Variants in POLR3B observed in about 807,000 individuals in gnomAD.
POLR3B encodes the protein DNA-directed RNA polymerase III subunit RPC2.
A neutral mutation model predicts 147.4 loss-of-function variants in POLR3B; 96 were observed. The observed-to-expected ratio is 0.65, with a 90% CI of 0.55 to 0.77. The LOEUF (loss-of-function observed/expected upper bound fraction) is 0.77, where lower values mean the gene tolerates loss of function less well. POLR3B is among the 30% of genes least tolerant of loss of function. The probability of loss-of-function intolerance (pLI) is 0.00; values close to 1 mark genes in which losing one functional copy is unlikely to be tolerated. For synonymous variants in POLR3B, 461 were observed against 485.9 expected (o/e 0.95, Z 0.67); for missense variants, 1,036 against 1,413.5 (o/e 0.73, Z 4.28).
intron 10 of POLR3B, among the ~76,000 whole-genome samples, chr12:106,400,079 C>G (rs1430095023): frequency 6.6e-6 from 1 of 152,166 alleles, no homozygotes; most frequent in Non-Finnish European, 1.5e-5. Context: ...GTGCTGTATT[C>G]AGGAAACCCA....
intron 23 of POLR3B, among the ~76,000 whole-genome samples, chr12:106,489,655 G>A (rs1459450745): frequency 6.6e-6 from 1 of 152,154 alleles, no homozygotes; most frequent in Admixed American, 6.5e-5. Context: ...AAGTTTATCT[G>A]TTAAACAAGG....
chr12:106,404,728 A>C (rs1460056521), intron 10 of POLR3B, among the ~76,000 whole-genome samples: 1 of 151,890 alleles, frequency 6.6e-6, no homozygotes, highest in Non-Finnish European at 1.5e-5. Flanking sequence ...AATTCTTTTA[A>C]TTTTGAAAAA....
chr12:106,488,193 T>A (rs960964048), intron 23 of POLR3B, among the ~76,000 whole-genome samples: 10 of 152,210 alleles, frequency 6.6e-5, no homozygotes, highest in Non-Finnish European at 1.2e-4. Flanking sequence ...ACTGAGACAT[T>A]CAAAGAATCT....
At chr12:106,497,401 G>T (rs1164470322) in intron 25 of POLR3B, among the ~76,000 whole-genome samples, 1 of 152,056 alleles carries the variant, frequency 6.6e-6, no homozygotes, top group Non-Finnish European at 1.5e-5. Flanking sequence ...TTTTTGGTAG[G>T]CCAAAGCTGG....
At chr12:106,433,512 A>G (rs1039457656) in intron 15 of POLR3B, among the ~76,000 whole-genome samples, 3 of 152,190 alleles carry the variant, frequency 2.0e-5, no homozygotes, top group African/African-American at 4.8e-5. Context: ...CTTTTCCAGT[A>G]TTCCTCAGCC....
At chr12:106,429,904 T>A (rs2037485421) in intron 13 of POLR3B, among the ~76,000 whole-genome samples, 1 of 152,182 alleles carries the variant, frequency 6.6e-6, no homozygotes, top group Non-Finnish European at 1.5e-5. Flanking sequence ...TTCCTTTAAA[T>A]GTGTATAGAA....
At chr12:106,446,340 G>A in intron 19 of POLR3B, 1 of 421,388 alleles carries the variant, frequency 2.4e-6, no homozygotes, top group South Asian at 1.7e-5. Context: ...TCTCTATGTA[G>A]TGAAGCTTTT....
intron 19 of POLR3B, among the ~76,000 whole-genome samples, chr12:106,450,123 C>G (rs1421535082): frequency 1.3e-5 from 2 of 152,004 alleles, no homozygotes; most frequent in African/African-American, 4.8e-5. Context: ...ATGAATGTGT[C>G]AAAGCAATCC....
At chr12:106,500,204 G>T (rs537100279) in intron 25 of POLR3B, 1 of 453,520 alleles carries the variant, frequency 2.2e-6, no homozygotes, top group South Asian at 1.6e-5. Context: ...AAAGTTTGAG[G>T]CAGTTAAAAA....
At position 106,507,234 on chromosome 12, in the gene POLR3B, C is replaced by T. The variant is rs114471076; in HGVS notation, c.3273-2186C>T. On this transcript the variant is annotated intron_variant, in intron 27 of 27. Coordinates refer to ENST00000228347, the MANE Select transcript of POLR3B (RefSeq NM_018082.6). ...TTTGCTACCTTTGCCCTAAAAAAGC[C>T]GTTCATTTTATTGTTGTTCACGTCA... Among the ~76,000 whole-genome samples, 161 of 152,194 alleles carry T rather than the reference C, an allele frequency of 1.1e-3. 2 individuals are homozygous for T. Among genetic ancestry groups the T allele is most frequent in the African/African-American group, 3.5e-3 (145 of 41,532 alleles).
intron 23 of POLR3B, among the ~76,000 whole-genome samples, chr12:106,466,832 C>A (rs1220765095): frequency 6.6e-6 from 1 of 152,136 alleles, no homozygotes; most frequent in East Asian, 1.9e-4. Context: ...GGTACCAGTA[C>A]CATGCTGTTT....
At chr12:106,479,063 A>T (rs2038224348) in intron 23 of POLR3B, among the ~76,000 whole-genome samples, 1 of 152,030 alleles carries the variant, frequency 6.6e-6, no homozygotes, top group Non-Finnish European at 1.5e-5. Flanking sequence ...CTGAAATTTC[A>T]TAGGCTCTTC....
chr12:106,462,132 C>A (rs1004377677), intron 22 of POLR3B, among the ~76,000 whole-genome samples: 10 of 152,226 alleles, frequency 6.6e-5, no homozygotes, highest in Non-Finnish European at 1.3e-4. Context: ...TCTCTCCCTC[C>A]TCCTGCTTCA....
chr12:106,405,774 C>A, intron 10 of POLR3B, 83 bp from the exon 11 acceptor site: 1 of 1,343,998 alleles, frequency 7.4e-7, no homozygotes, highest in Non-Finnish European at 1.1e-6. Flanking sequence ...ATCTCTTTCG[C>A]TCATACTGTA....
intron 25 of POLR3B, among the ~76,000 whole-genome samples, chr12:106,498,055 A>C (rs950545793): frequency 1.3e-5 from 2 of 152,236 alleles, no homozygotes; most frequent in Non-Finnish European, 2.9e-5. Flanking sequence ...TATTGAAAAA[A>C]GGAATGCAGA....
intron 16 of POLR3B, among the ~76,000 whole-genome samples, chr12:106,434,947 T>C (rs1350469610): frequency 6.6e-6 from 1 of 152,138 alleles, no homozygotes; most frequent in Non-Finnish European, 1.5e-5. Flanking sequence ...ATCAGAGAAT[T>C]TGAATCCCAG....
chr12:106,389,876 C>T (rs908974985), intron 9 of POLR3B, among the ~76,000 whole-genome samples: 13 of 152,128 alleles, frequency 8.5e-5, no homozygotes, highest in Admixed American at 2.0e-4. Flanking sequence ...CTCTGCACCC[C>T]GGTCTGGGCA....
chr12:106,507,161 A>T (rs1398976961), intron 27 of POLR3B, among the ~76,000 whole-genome samples: 1 of 152,144 alleles, frequency 6.6e-6, no homozygotes, highest in Admixed American at 6.5e-5. Context: ...CTCATAGAGG[A>T]TGTTTCACTG....
Position 106,509,364 on chromosome 12 carries a change from G to C in POLR3B, c.3273-56G>C, listed in dbSNP as rs1340866667. ...TAGAGACCATTCTCACTTCCTACGT[G>C]GAGGCCTTTGTTTCCGAGTTGCTGT... On this transcript the variant is annotated intron_variant, in intron 27 of 27. Transcript: ENST00000228347. The C allele has an allele frequency of 5.0e-6, 8 of 1,595,244 alleles. No individual in the cohort carries two copies. The East Asian group carries it at 1.8e-4, about 36-fold the overall frequency.
Sources: allele counts gnomAD v4.1 joint callset (sites outside exome capture counted in the v4.1 genomes callset), GRCh38; gene constraint gnomAD v4.1.1; transcripts MANE v1.5; gene names NCBI Gene and HGNC (gene_info 2026-07-23, HGNC 2026-07-21).